EPAS1: variants seen among roughly 807,000 people sequenced by gnomAD.
The protein encoded by EPAS1 is endothelial PAS domain-containing protein 1.
In EPAS1, 23 loss-of-function variants were observed where a neutral mutation model predicts 87.9. The ratio of observed to expected loss-of-function variants is 0.26; its 90% CI spans 0.19 to 0.37. EPAS1 has a LOEUF of 0.37. EPAS1 is among the 10% of genes least tolerant of loss of function. The probability of loss-of-function intolerance (pLI) is 1.00; values close to 1 mark genes in which losing one functional copy is unlikely to be tolerated. For missense variants in EPAS1, 1,138 were observed against 1,120.7 expected (o/e 1.02, Z -0.22); for synonymous variants, 508 against 444.3 (o/e 1.14, Z -1.80).
intron 1 of EPAS1, among the ~76,000 whole-genome samples, chr2:46,308,461 G>T (rs547617766): frequency 0.017 from 676 of 38,752 alleles, 14 homozygotes; most frequent in African/African-American, 0.031. Context: ...GCTTTTTTTT[G>T]GGGGGGGGGG....
chr2:46,381,516 G>C, intron 12 of EPAS1, 80 bp from the exon 13 acceptor site: 1 of 1,609,534 alleles, frequency 6.2e-7, no homozygotes, highest in Non-Finnish European at 8.5e-7. Flanking sequence ...ATTGGGACTG[G>C]AAGGGCCCCT....
chr2:46,381,060 A>T, intron 12 of EPAS1: 1 of 391,060 alleles, frequency 2.6e-6, no homozygotes, highest in Non-Finnish European at 4.7e-6. Flanking sequence ...CCTGGTTGAA[A>T]ACAGCAAAAA....
At chr2:46,322,467 T>C (rs990635099) in intron 1 of EPAS1, among the ~76,000 whole-genome samples, 1 of 152,140 alleles carries the variant, frequency 6.6e-6, no homozygotes, top group East Asian at 1.9e-4. Flanking sequence ...CTGGGGCTTA[T>C]TAAAACTCAG....
intron 1 of EPAS1, among the ~76,000 whole-genome samples, chr2:46,299,947 C>A (rs1241361209): frequency 6.6e-6 from 1 of 152,236 alleles, no homozygotes. Flanking sequence ...TTGGAGGCCG[C>A]TGTGTGAGCT....
At chr2:46,351,914 C>G (rs1335791429) in intron 2 of EPAS1, among the ~76,000 whole-genome samples, 1 of 152,006 alleles carries the variant, frequency 6.6e-6, no homozygotes, top group African/African-American at 2.4e-5. Context: ...AAGTCCCACC[C>G]CACATGGGCG....
intron 7 of EPAS1, among the ~76,000 whole-genome samples, chr2:46,372,616 C>T (rs1329529424): frequency 1.3e-5 from 2 of 152,202 alleles, no homozygotes; most frequent in Non-Finnish European, 2.9e-5. Context: ...TGCTTTTAGG[C>T]TTTTTATGGC....
chr2:46,306,413 T>C (rs11684885), intron 1 of EPAS1, among the ~76,000 whole-genome samples: 1 of 151,972 alleles, frequency 6.6e-6, no homozygotes, highest in Non-Finnish European at 1.5e-5. Flanking sequence ...GTGGACCTGG[T>C]TGTCCATGGT....
chr2:46,309,970 C>A (rs11886469), intron 1 of EPAS1, among the ~76,000 whole-genome samples: 7,648 of 152,256 alleles, frequency 0.05, 645 homozygotes, highest in African/African-American at 0.17. Context: ...TGGAGGAGGC[C>A]ATGATTTGTC....
intron 11 of EPAS1, among the ~76,000 whole-genome samples, chr2:46,379,279 A>G (rs1684827320): frequency 6.6e-6 from 1 of 152,250 alleles, no homozygotes; most frequent in Non-Finnish European, 1.5e-5. Context: ...AAAACTATGT[A>G]AACAAGGATA....
rs1420713411 is a variant in EPAS1 at position 46,321,425 on chromosome 2, A to AT, written c.26+23495dup. 7.9e-5 allele frequency among the ~76,000 whole-genome samples: 12 copies of AT among 152,066 alleles called. 1 individual carries two copies. In the South Asian group the frequency reaches 8.4e-4, roughly 11 times the overall value. The stretch of plus-strand genomic sequence containing the variant: ...TGGATCATATGGTAATTCTGTGTTT[A>AT]TTTTTTTCAAAAACTGCTGTACTGT... On this transcript the variant is annotated intron_variant, in intron 1 of 15. Coordinates refer to ENST00000263734, the MANE Select transcript of EPAS1 (RefSeq NM_001430.5).
At chr2:46,384,478 C>CT in intron 15 of EPAS1, 31 bp from the exon 16 acceptor site, 1 of 1,614,186 alleles carries the variant, frequency 6.2e-7, no homozygotes, top group Non-Finnish European at 8.5e-7. Context: ...CGATTTAGGC[C>CT]TTTAAGTTAT....
chr2:46,377,261 G>A (rs1424012355), intron 9 of EPAS1, among the ~76,000 whole-genome samples: 1 of 152,238 alleles, frequency 6.6e-6, no homozygotes, highest in Non-Finnish European at 1.5e-5. Context: ...TCATTAAAGT[G>A]TCTGCCTGTC....
chr2:46,361,125 G>C, intron 6 of EPAS1, 35 bp downstream of exon 6: 1 of 1,607,144 alleles, frequency 6.2e-7, no homozygotes, highest in Non-Finnish European at 8.5e-7. Context: ...TGTGGGCAGA[G>C]ATGGGTCTTA....
rs1251856861 is a variant in EPAS1, at chr2:46,332,328, G to A, written c.27-14545G>A. 2.8e-3 allele frequency among the ~76,000 whole-genome samples: 393 copies of A among 139,060 alleles called. 3 individuals are homozygous for A. Among genetic ancestry groups the A allele is most frequent in the African/African-American group, 0.011 (379 of 33,046 alleles). The allele number at this position is 139,060 out of a possible 152,430, so 91.2% of individuals were successfully genotyped here. A position where few individuals can be genotyped will look rare whatever the true frequency, so the allele number is the denominator to read the frequency against. On this transcript the variant is annotated intron_variant, in intron 1 of 15. Coordinates refer to ENST00000263734, the MANE Select transcript of EPAS1 (RefSeq NM_001430.5). ...TGTGTGTGTGTGTGTGTGTGTGTGTGTGTGTATCAACTTGTTTTCTCTTTG... is the reference window on the plus strand; with the variant it reads ...TGTGTGTGTGTGTGTGTGTGTGTGTATGTGTATCAACTTGTTTTCTCTTTG...
rs1427426906 is a variant in EPAS1 at position 46,300,836 on chromosome 2, AGACACCTG to A, written c.26+2902_26+2909del. Among the ~76,000 whole-genome samples, 9 of 152,294 alleles carry A rather than the reference AGACACCTG, an allele frequency of 5.9e-5. No individual in the cohort carries two copies. In the South Asian group the frequency reaches 1.7e-3, roughly 28 times the overall value. ...AGGGCTAGCGTGGAAGGGGAATTGG[AGACACCTG>A]GATCTCCAATCTCCCCCTCCTTCTG... On this transcript the variant is annotated intron_variant, in intron 1 of 15. Coordinates refer to ENST00000263734, the MANE Select transcript of EPAS1 (RefSeq NM_001430.5). The surrounding 1 kb of genome is among the most constrained non-coding windows in gnomAD (Gnocchi z 4.1).
At position 46,362,977 on chromosome 2, in the gene EPAS1, AGTGGTGGTGGTGGTGGTG is replaced by A. The variant is rs75642579; in HGVS notation, c.779+1912_779+1929del. Among the ~76,000 whole-genome samples the A allele has an allele frequency of 3.9e-3, 407 of 104,364 alleles. 3 individuals carry two copies. Among genetic ancestry groups the A allele is most frequent in the African/African-American group, 0.014 (383 of 27,106 alleles). 68.5% of individuals were successfully genotyped at this position (104,364 alleles called of 152,430 possible). On this transcript the variant is annotated intron_variant, in intron 6 of 15. Coordinates refer to ENST00000263734, the MANE Select transcript of EPAS1 (RefSeq NM_001430.5). ...TAGTGGTGGTGGTGGTGGTGGTGGT[AGTGGTGGTGGTGGTGGTG>A]GTGGTGGTGGTGGTGGTGGTGGTGA...
intron 1 of EPAS1, among the ~76,000 whole-genome samples, chr2:46,321,855 T>C (rs974204892): frequency 2.0e-5 from 3 of 152,128 alleles, no homozygotes; most frequent in Admixed American, 6.6e-5. Flanking sequence ...ATAACTGGCA[T>C]ATAGGATATA....
In EPAS1 at chr2:46,382,512, G is replaced by A; in HGVS notation, c.2375G>A (p.Gly792Glu). 6.2e-7 allele frequency: 1 copy of A among 1,614,140 alleles called. No homozygotes were observed. Among genetic ancestry groups the A allele is most frequent in the South Asian group, 1.1e-5 (1 of 91,082 alleles). Residue 792 changes from glycine to glutamate, a missense_variant, in exon 15 of 16, where the codon GGG (glycine) becomes GAG (glutamate). Gly to Glu is a moderately conservative substitution (Grantham distance 98). Coordinates refer to ENST00000263734, the MANE Select transcript of EPAS1 (RefSeq NM_001430.5). ...LPQPPSAISP[G>E]ENSKSRFPPQ... ...CAGCCTCCATCTGCCATCAGTCCCG[G>A]GGAGAACAGCAAGAGCAGGTTCCCC...
intron 1 of EPAS1, among the ~76,000 whole-genome samples, chr2:46,303,057 A>G (rs1268220014): frequency 6.6e-6 from 1 of 152,216 alleles, no homozygotes; most frequent in African/African-American, 2.4e-5. Flanking sequence ...TGGGTGACAG[A>G]GCGAGACAAC....
Sources: allele counts gnomAD v4.1 joint callset (sites outside exome capture counted in the v4.1 genomes callset), GRCh38; gene constraint gnomAD v4.1.1; non-coding constraint Gnocchi (gnomAD v3.1); transcripts MANE v1.5; gene names NCBI Gene and HGNC (gene_info 2026-07-23, HGNC 2026-07-21).